CNOT1: variants seen among roughly 807,000 people sequenced by gnomAD.
The protein encoded by CNOT1 is CCR4-NOT transcription complex subunit 1.
In CNOT1, 15 loss-of-function variants were observed where a neutral mutation model predicts 273.8. The ratio of observed to expected loss-of-function variants is 0.05; its 90% CI spans 0.04 to 0.08. The LOEUF (loss-of-function observed/expected upper bound fraction) is 0.08. Among genes scored for constraint, CNOT1 ranks in the 10% least tolerant of loss-of-function variants. The pLI is 1.00. For missense variants in CNOT1, 1,644 were observed against 2,912.2 expected (o/e 0.56, Z 10.02); for synonymous variants, 1,022 against 1,005.5 (o/e 1.02, Z -0.31).
chr16:58,522,237 C>CAAAAAAAAAAAAAAAAAA (rs56149974), intron 47 of CNOT1, among the ~76,000 whole-genome samples: 1 of 98,556 alleles, frequency 1.0e-5, no homozygotes, highest in African/African-American at 4.2e-5. Flanking sequence ...GAGACTGTCT[C>CAAAAAAAAAAAAAAAAAA]AAAAAAAAAA....
At chr16:58,552,419 C>A (rs1047465355) in intron 22 of CNOT1, among the ~76,000 whole-genome samples, 5 of 152,088 alleles carry the variant, frequency 3.3e-5, no homozygotes, top group African/African-American at 1.2e-4. Context: ...TAGCCCTTTA[C>A]GCTGATAAAG....
intron 1 of CNOT1, among the ~76,000 whole-genome samples, chr16:58,602,894 A>G (rs1035990937): frequency 6.2e-4 from 95 of 152,148 alleles, no homozygotes; most frequent in African/African-American, 2.2e-3. Context: ...CATATTCAAA[A>G]AAAAGCTCCT....
intron 2 of CNOT1, among the ~76,000 whole-genome samples, chr16:58,594,218 T>C (rs920410746): frequency 1.3e-5 from 2 of 152,012 alleles, no homozygotes; most frequent in African/African-American, 4.8e-5. Flanking sequence ...TACTCCAGCC[T>C]GGGCAACAAG....
At chr16:58,585,643 T>C (rs980382688) in intron 7 of CNOT1, 137 bp from the exon 8 acceptor site, 1 of 1,393,886 alleles carries the variant, frequency 7.2e-7, no homozygotes, top group African/African-American at 1.5e-5. Flanking sequence ...TTTTCCAGCC[T>C]ACTAGCCGAA....
chr16:58,596,505 GA>G (rs2042253700), intron 2 of CNOT1, among the ~76,000 whole-genome samples: 1 of 152,052 alleles, frequency 6.6e-6, no homozygotes. Context: ...AGCAAGGTAG[GA>G]AAAAAAATTG....
chr16:58,581,193 T>C (rs944431399), intron 11 of CNOT1, 152 bp downstream of exon 11: 8 of 856,284 alleles, frequency 9.3e-6, no homozygotes, highest in Admixed American at 7.0e-5. Flanking sequence ...ATGATAATAT[T>C]CCTTCAATAC....
At chr16:58,622,034 T>A (rs2043347506) in intron 1 of CNOT1, among the ~76,000 whole-genome samples, 1 of 146,426 alleles carries the variant, frequency 6.8e-6, no homozygotes, top group Non-Finnish European at 1.5e-5. Context: ...ATGTACAGGC[T>A]GGGCTCGGTG....
At chr16:58,614,639 G>A (rs140807313) in intron 1 of CNOT1, among the ~76,000 whole-genome samples, 6 of 125,770 alleles carry the variant, frequency 4.8e-5, no homozygotes, top group East Asian at 3.9e-4. Flanking sequence ...GTTTCCTCCC[G>A]GATTCACCCC....
intron 16 of CNOT1, among the ~76,000 whole-genome samples, chr16:58,570,559 T>C (rs184098633): frequency 3.9e-5 from 6 of 152,168 alleles, no homozygotes; most frequent in African/African-American, 1.4e-4. Context: ...TCTGGAGGGT[T>C]GAGGCTGCAC....
At chr16:58,606,927 G>T (rs2042701646) in intron 1 of CNOT1, among the ~76,000 whole-genome samples, 2 of 152,280 alleles carry the variant, frequency 1.3e-5, no homozygotes, top group Admixed American at 1.3e-4. Context: ...AGAGCTGGGG[G>T]GGGGAAAGGA....
chr16:58,617,184 C>A (rs1567447319), intron 1 of CNOT1, among the ~76,000 whole-genome samples: 1 of 151,814 alleles, frequency 6.6e-6, no homozygotes, highest in Admixed American at 6.6e-5. Context: ...ACAGTGAGAC[C>A]ATCTCAACAA....
intron 2 of CNOT1, among the ~76,000 whole-genome samples, chr16:58,593,364 G>C (rs890366343): frequency 2.6e-5 from 4 of 151,556 alleles, no homozygotes; most frequent in African/African-American, 9.7e-5. Context: ...GTTCGAGACC[G>C]GCCTGACCAA....
At chr16:58,566,669 CTTTTT>C (rs761624677) in intron 16 of CNOT1, among the ~76,000 whole-genome samples, 13 of 152,090 alleles carry the variant, frequency 8.5e-5, no homozygotes, top group African/African-American at 2.9e-4. Context: ...TGATTGGTTT[CTTTTT>C]TTTATTTTTG....
Position 58,576,578 on chromosome 16 carries a change from T to C in CNOT1, c.1589A>G (p.Gln530Arg), listed in dbSNP as rs1434480540. ...GATAAGTTGGCGAATTGAGGGAGACTGTCCCTAAAAAGGGGAAGAAAGATT... is the reference window on the plus strand; with the variant it reads ...GATAAGTTGGCGAATTGAGGGAGACCGTCCCTAAAAAGGGGAAGAAAGATT... ...ILHYAWHGQGQSPSIRQLIMH... is the reference protein window; with the variant it reads ...ILHYAWHGQGRSPSIRQLIMH... The change falls in exon 14 of 49, where the codon CAG becomes CGG. Residue 530 changes from glutamine to arginine, a missense_variant. Physicochemically the swap from Gln to Arg is conservative, Grantham distance 43 (BLOSUM62 1). Coordinates refer to ENST00000317147, the MANE Select transcript of CNOT1 (RefSeq NM_016284.5). The C allele has an allele frequency of 1.2e-6, 2 of 1,614,154 alleles. No individual in the cohort carries two copies. Among genetic ancestry groups the C allele is most frequent in the South Asian group, 1.1e-5 (1 of 91,088 alleles).
At chr16:58,587,149 C>T in intron 6 of CNOT1, 52 bp downstream of exon 6, 4 of 1,588,584 alleles carry the variant, frequency 2.5e-6, no homozygotes, top group Non-Finnish European at 3.4e-6. Flanking sequence ...TGATTAAAAA[C>T]CCACGTATTT....
intron 34 of CNOT1, 200 bp from the exon 35 acceptor site, chr16:58,540,159 A>G (rs1452101995): frequency 2.1e-6 from 1 of 476,238 alleles, no homozygotes. Context: ...CAAGGCAGGC[A>G]TAAGGGAAGA....
rs2040037464 is a variant in CNOT1, at chr16:58,539,977, ACAAC to A, written c.4801-22_4801-19del. 1 of 1,594,010 alleles carries A rather than the reference ACAAC, an allele frequency of 6.3e-7. No individual in the cohort carries two copies. Among genetic ancestry groups the A allele is most frequent in the Non-Finnish European group, 8.6e-7 (1 of 1,168,230 alleles). ...CAAGCTTGCTGTTTTACAGAAGGAA[ACAAC>A]CAACAAGAGACAAAAGAATGTTAAG... is the stretch of plus-strand genomic sequence containing the variant. On this transcript the variant is annotated intron_variant, in intron 34 of 48. Transcript: ENST00000317147.
chr16:58,620,139 G>C (rs1057010235), intron 1 of CNOT1, among the ~76,000 whole-genome samples: 1 of 152,148 alleles, frequency 6.6e-6, no homozygotes, highest in Admixed American at 6.6e-5. Flanking sequence ...TTCAATTACA[G>C]TTCAACTGTA....
chr16:58,566,605 A>AATGGG (rs1567411169), intron 16 of CNOT1, among the ~76,000 whole-genome samples: 5 of 152,016 alleles, frequency 3.3e-5, no homozygotes. Context: ...TTTGGAATGG[A>AATGGG]TAATTATTTG....
Sources: gnomAD v4.1 joint callset for allele counts (sites outside exome capture counted in the v4.1 genomes callset) on GRCh38, gnomAD v4.1.1 for gene constraint, MANE v1.5 for transcripts, NCBI Gene and HGNC (gene_info 2026-07-23, HGNC 2026-07-21) for gene names.